Variants in MARCHF1 observed in about 807,000 individuals in gnomAD.
MARCHF1 encodes E3 ubiquitin-protein ligase MARCHF1.
MARCHF1 carries 40 observed loss-of-function variants against 54.2 expected under a neutral mutation model. The ratio of observed to expected loss-of-function variants is 0.74; its 90% CI spans 0.57 to 0.96. The LOEUF is 0.96. Among genes scored for constraint, MARCHF1 ranks in the 40% least tolerant of loss-of-function variants. MARCHF1 has a pLI of 0.00. For synonymous variants in MARCHF1, 236 were observed against 236.3 expected (o/e 1.00, Z 0.01); for missense variants, 586 against 656.5 (o/e 0.89, Z 1.17).
At chr4:163,961,363 T>C (rs908867883) in intron 3 of MARCHF1, among the ~76,000 whole-genome samples, 1 of 152,046 alleles carries the variant, frequency 6.6e-6, no homozygotes, top group African/African-American at 2.4e-5. Flanking sequence ...CTCTTTCTTA[T>C]ATTTAAAATG....
At chr4:163,557,870 T>C (rs1273275111) in intron 8 of MARCHF1, among the ~76,000 whole-genome samples, 1 of 152,228 alleles carries the variant, frequency 6.6e-6, no homozygotes, top group Non-Finnish European at 1.5e-5. Flanking sequence ...ACCAATCTAA[T>C]ATTATTCCAG....
At chr4:164,346,500 T>G (rs988107918) in intron 1 of MARCHF1, among the ~76,000 whole-genome samples, 2 of 151,626 alleles carry the variant, frequency 1.3e-5, no homozygotes, top group African/African-American at 2.4e-5. Context: ...TGAAAGGCCC[T>G]GGAGGCCAGG....
chr4:164,068,286 A>G (rs1579507031), intron 2 of MARCHF1, among the ~76,000 whole-genome samples: 1 of 151,732 alleles, frequency 6.6e-6, no homozygotes, highest in African/African-American at 2.4e-5. Context: ...CTTGGCACCC[A>G]CTCTGGCCAC....
At chr4:163,744,657 A>G (rs1746305457) in intron 4 of MARCHF1, among the ~76,000 whole-genome samples, 1 of 152,222 alleles carries the variant, frequency 6.6e-6, no homozygotes, top group Admixed American at 6.5e-5. Context: ...TGCTTACATT[A>G]TAAATTAGAA....
intron 1 of MARCHF1, among the ~76,000 whole-genome samples, chr4:164,354,429 T>C (rs969226008): frequency 6.7e-5 from 9 of 134,970 alleles, no homozygotes; most frequent in African/African-American, 2.5e-4. Flanking sequence ...TCAAGTGGGC[T>C]TCATCCCTGG....
chr4:163,608,702 G>C (rs1741223420), intron 7 of MARCHF1, among the ~76,000 whole-genome samples: 1 of 152,028 alleles, frequency 6.6e-6, no homozygotes, highest in Non-Finnish European at 1.5e-5. Context: ...TGTGATGAAG[G>C]AGGCAAACAG....
chr4:163,762,672 C>G (rs970936950), intron 4 of MARCHF1, among the ~76,000 whole-genome samples: 1 of 152,046 alleles, frequency 6.6e-6, no homozygotes, highest in Non-Finnish European at 1.5e-5. Flanking sequence ...AAATAGCACA[C>G]TTACCTTAAT....
intron 1 of MARCHF1, among the ~76,000 whole-genome samples, chr4:164,375,648 C>G (rs546348262): frequency 6.6e-6 from 1 of 152,262 alleles, no homozygotes; most frequent in African/African-American, 2.4e-5. Flanking sequence ...TTTGTTAGCA[C>G]CTTTTTACTG....
rs538337083 is a variant in MARCHF1, at chr4:163,561,044, CAATGA to C, written c.1192-15306_1192-15302del. Among the ~76,000 whole-genome samples the C allele has an allele frequency of 3.3e-4, 50 of 152,128 alleles. No homozygotes were observed. The East Asian group carries it at 8.3e-3, about 25-fold the overall frequency. On this transcript the variant is annotated intron_variant, in intron 8 of 9. Coordinates refer to ENST00000514618, the MANE Select transcript of MARCHF1 (RefSeq NM_001394959.1). ...GCTTTATTGCACTGGCTAGAACCTTCAATGAAATGTCAAATAACAGTTTTCTTTCT... is the reference window on the plus strand; with the variant it reads ...GCTTTATTGCACTGGCTAGAACCTTCAATGTCAAATAACAGTTTTCTTTCT...
chr4:164,112,260 T>G (rs1755850273), intron 1 of MARCHF1, among the ~76,000 whole-genome samples: 1 of 151,912 alleles, frequency 6.6e-6, no homozygotes, highest in Non-Finnish European at 1.5e-5. Context: ...ATTATCCCTT[T>G]GTATAAAACA....
At chr4:163,808,788 T>C (rs997534142) in intron 4 of MARCHF1, among the ~76,000 whole-genome samples, 7 of 152,080 alleles carry the variant, frequency 4.6e-5, no homozygotes, top group African/African-American at 1.7e-4. Context: ...AGGCTGGTCT[T>C]GAACTCCTGA....
intron 1 of MARCHF1, among the ~76,000 whole-genome samples, chr4:164,358,196 T>C (rs1730618257): frequency 6.6e-6 from 1 of 152,096 alleles, no homozygotes; most frequent in Admixed American, 6.6e-5. Context: ...AAGGTTTGCT[T>C]CTCAGACTGA....
chr4:164,137,325 A>T (rs912423953), intron 1 of MARCHF1, among the ~76,000 whole-genome samples: 1 of 152,190 alleles, frequency 6.6e-6, no homozygotes, highest in East Asian at 1.9e-4. Flanking sequence ...AAACTCCAGA[A>T]TATGTCAAAA....
At chr4:164,061,518 C>G (rs1453171019) in intron 2 of MARCHF1, among the ~76,000 whole-genome samples, 1 of 75,892 alleles carries the variant, frequency 1.3e-5, no homozygotes, top group Non-Finnish European at 2.5e-5. Flanking sequence ...ACATCACACT[C>G]TGGGGACTGT....
At chr4:163,847,666 C>T (rs1357127453) in intron 4 of MARCHF1, among the ~76,000 whole-genome samples, 12 of 149,144 alleles carry the variant, frequency 8.0e-5, no homozygotes, top group East Asian at 2.0e-4. Flanking sequence ...CTGCAACCTC[C>T]GCCTCCTGGG....
intron 4 of MARCHF1, among the ~76,000 whole-genome samples, chr4:163,804,375 AATGCAAATTCCCAGG>A (rs1189185411): frequency 6.6e-6 from 1 of 152,160 alleles, no homozygotes; most frequent in African/African-American, 2.4e-5. Context: ...ACTTCACAGA[AATGCAAATTCCCAGG>A]CTCCATCCCA....
intron 1 of MARCHF1, among the ~76,000 whole-genome samples, chr4:164,219,148 GCA>G (rs1415449007): frequency 6.6e-6 from 1 of 151,912 alleles, no homozygotes; most frequent in Non-Finnish European, 1.5e-5. Flanking sequence ...CTCGGTTTGG[GCA>G]TTCATCAAGG....
chr4:163,870,988 T>G (rs1440340333), intron 3 of MARCHF1, among the ~76,000 whole-genome samples: 1 of 152,208 alleles, frequency 6.6e-6, no homozygotes, highest in East Asian at 1.9e-4. Flanking sequence ...GAACAAATTT[T>G]GTATGTTCCC....
intron 1 of MARCHF1, among the ~76,000 whole-genome samples, chr4:164,244,624 A>G (rs1292932738): frequency 3.4e-5 from 5 of 148,956 alleles, no homozygotes; most frequent in East Asian, 3.9e-4. Context: ...GAACTGAAGG[A>G]AATAGAGACA....
Sources: gnomAD v4.1 joint callset for allele counts (sites outside exome capture counted in the v4.1 genomes callset) on GRCh38, gnomAD v4.1.1 for gene constraint, MANE v1.5 for transcripts, NCBI Gene and HGNC (gene_info 2026-07-23, HGNC 2026-07-21) for gene names.